Variants in ANAPC5 observed in about 807,000 individuals in gnomAD.
The protein encoded by ANAPC5 is anaphase-promoting complex subunit 5.
Under a neutral mutation model 91.3 loss-of-function variants are expected in ANAPC5, and 60 were observed. The observed-to-expected ratio is 0.66, with a 90% CI of 0.53 to 0.81. ANAPC5 has a LOEUF of 0.81. Among genes scored for constraint, ANAPC5 ranks in the 40% least tolerant of loss-of-function variants. The pLI is 0.00. For missense variants in ANAPC5, 690 were observed against 931.5 expected (o/e 0.74, Z 3.37); for synonymous variants, 340 against 364.1 (o/e 0.93, Z 0.75).
chr12:121,349,720 A>AT (rs11408254), intron 1 of ANAPC5, among the ~76,000 whole-genome samples: 106,760 of 138,270 alleles, frequency 0.77, 42,868 homozygotes, highest in Non-Finnish European at 0.88. Context: ...CACTGTTTCT[A>AT]TTTTTTTTTT....
rs534844886 is a variant in ANAPC5 at position 121,350,490 on chromosome 12, G to A, written c.207+1644C>T. On this transcript the variant is annotated intron_variant, in intron 1 of 16. Transcript: ENST00000261819. The stretch of plus-strand genomic sequence containing the variant: ...AGGTCTGGAGATCGAGACCATCCCG[G>A]CTAACACGGTGAAACCCCGTCTCTA... 3.3e-5 allele frequency among the ~76,000 whole-genome samples: 5 copies of A among 152,172 alleles called. No individual in the cohort carries two copies. In the East Asian group the frequency reaches 9.7e-4, roughly 29 times the overall value.
In ANAPC5 at chr12:121,318,433, A is replaced by T. The variant is rs763269606; in HGVS notation, c.1746-9T>A. On this transcript the variant is annotated splice_polypyrimidine_tract_variant and intron_variant, in intron 14 of 16. Coordinates refer to ENST00000261819, the MANE Select transcript of ANAPC5 (RefSeq NM_016237.5). ...CCACGGACAGTAGGACACTGACCGTAAAGAGGAAAACACAGGATGAGAAGA... is the reference window on the plus strand; with the variant it reads ...CCACGGACAGTAGGACACTGACCGTTAAGAGGAAAACACAGGATGAGAAGA... The T allele has an allele frequency of 3.1e-6, 5 of 1,610,884 alleles. No homozygotes were observed. The highest frequency in any genetic ancestry group is 4.2e-6 in the Non-Finnish European group (5 of 1,177,866).
intron 4 of ANAPC5, among the ~76,000 whole-genome samples, chr12:121,344,416 TA>T (rs1903581407): frequency 1.3e-5 from 2 of 151,988 alleles, no homozygotes; most frequent in East Asian, 3.9e-4. Flanking sequence ...CCATCTCTAC[TA>T]AAAATACAAA....
Position 121,337,367 on chromosome 12 carries a change from G to C in ANAPC5, c.683C>G (p.Thr228Ser), listed in dbSNP as rs1555273608. The C allele has an allele frequency of 1.2e-6, 2 of 1,613,612 alleles. No individual in the cohort carries two copies. The highest frequency in any genetic ancestry group is 1.7e-5 in the Admixed American group (1 of 59,998). Reference sequence around the variant, plus strand: ...CAAGGAAGCTGGAGTGAGGGCCTTAGTCTCATCATTCTTTAGCAAAGAAGC... The same window carrying C: ...CAAGGAAGCTGGAGTGAGGGCCTTACTCTCATCATTCTTTAGCAAAGAAGC... ...QQASLLKNDE[T>S]KALTPASLQK... is the part of the protein sequence containing the mutation. Residue 228 changes from threonine to serine, a missense_variant, in exon 6 of 17, where the codon ACT becomes AGT. Transcript: ENST00000261819.
At chr12:121,349,296 C>T (rs1338790225) in intron 1 of ANAPC5, among the ~76,000 whole-genome samples, 1 of 152,062 alleles carries the variant, frequency 6.6e-6, no homozygotes, top group Non-Finnish European at 1.5e-5. Context: ...TGTGGTGGCT[C>T]ATGCCTGTAA....
At chr12:121,320,656 G>A in intron 11 of ANAPC5, 197 bp from the exon 12 acceptor site, 1 of 386,610 alleles carries the variant, frequency 2.6e-6, no homozygotes. Flanking sequence ...CTGCTGGAGT[G>A]CAGTGGCGCG....
At chr12:121,353,030 T>C (rs1903969851), upstream of ANAPC5, among the ~76,000 whole-genome samples, 1 of 151,864 alleles carries the variant, frequency 6.6e-6, no homozygotes, top group Non-Finnish European at 1.5e-5. Context: ...GTTTAGGAGT[T>C]TAACTCTGTC....
Position 121,352,152 on chromosome 12 carries a change from C to A in ANAPC5, c.189G>T (p.Leu63=). ...CTCTCACCTGCAGCAGGGGCAGGAG[C>A]AGCTGGTTGAGCCTCCGCCGCTCCA... ...SLMERRRLNQ[L]LLPLLQGPDI... is the part of the protein sequence containing the mutation. The change falls in exon 1 of 17, where the codon CTG becomes CTT. Residue 63 remains leucine, a synonymous_variant. Coordinates refer to ENST00000261819, the MANE Select transcript of ANAPC5 (RefSeq NM_016237.5). 6.2e-7 allele frequency: 1 copy of A among 1,610,114 alleles called. No individual in the cohort carries two copies. Among genetic ancestry groups the A allele is most frequent in the South Asian group, 1.1e-5 (1 of 90,976 alleles).
chr12:121,322,655 T>C (rs1223103469), intron 11 of ANAPC5, among the ~76,000 whole-genome samples: 2 of 152,146 alleles, frequency 1.3e-5, no homozygotes, highest in African/African-American at 4.8e-5. Flanking sequence ...ATATTTTCCA[T>C]TTAAAAAATG....
intron 4 of ANAPC5, among the ~76,000 whole-genome samples, chr12:121,345,330 C>T (rs1555274550): frequency 1.3e-5 from 2 of 152,070 alleles, no homozygotes; most frequent in Admixed American, 6.6e-5. Flanking sequence ...AGTCAGGGAC[C>T]CAGCAGAAAA....
chr12:121,342,020 A>G lies in ANAPC5; in HGVS notation c.640T>C (p.Phe214Leu), dbSNP rs906657804. Residue 214 changes from phenylalanine to leucine, a missense_variant, in exon 5 of 17, where the codon TTT (phenylalanine) becomes CTT (leucine). Physicochemically the swap from Phe to Leu is conservative, Grantham distance 22. Coordinates refer to ENST00000261819, the MANE Select transcript of ANAPC5 (RefSeq NM_016237.5). The surrounding 1 kb of genome is among the most constrained non-coding windows in gnomAD (Gnocchi z 4.1). The part of the protein sequence containing the change: ...SGPLSQKQAE[F>L]FLSQQASLLK... ...TCACATACCTGTTGAGAAAGAAAAA[A>G]TTCTGCTTGTTTTTGGGACAGAGGC... The G allele has an allele frequency of 1.9e-6, 3 of 1,611,040 alleles. No individual in the cohort carries two copies. Among genetic ancestry groups the G allele is most frequent in the Middle Eastern group, 1.7e-4 (1 of 6,058 alleles).
At chr12:121,327,480 A>C (rs1555272403) in intron 10 of ANAPC5, 3 of 492,734 alleles carry the variant, frequency 6.1e-6, no homozygotes. Context: ...ACGCTCCCAG[A>C]TCCCCCCGCC....
Position 121,318,564 on chromosome 12 carries a change from T to C in ANAPC5, c.1682A>G (p.His561Arg), listed in dbSNP as rs558581024. 5.5e-5 allele frequency: 89 copies of C among 1,614,216 alleles called. 1 individual carries two copies. The South Asian group carries it at 9.3e-4, about 17-fold the overall frequency. The change falls in exon 14 of 17, where the codon CAT (histidine) becomes CGT (arginine). Residue 561 changes from histidine (H) to arginine (R), a missense_variant. Transcript: ENST00000261819. Reference protein sequence around the residue: ...LQAQNQMSEAHKLLQKLLVHC... With the variant: ...LQAQNQMSEARKLLQKLLVHC... ...AACCAACAATTTTTGTAAAAGCTTA[T>C]GTGCCTCTGACATTTGGTTCTGAGC...
intron 1 of ANAPC5, chr12:121,350,960 A>G: frequency 2.9e-6 from 1 of 350,150 alleles, no homozygotes; most frequent in Admixed American, 3.8e-5. Flanking sequence ...AATATTGAGC[A>G]TTTACTACAT....
At chr12:121,311,464 A>G (rs1902164412) in intron 15 of ANAPC5, among the ~76,000 whole-genome samples, 1 of 146,266 alleles carries the variant, frequency 6.8e-6, no homozygotes, top group East Asian at 1.9e-4. Flanking sequence ...TATAACAATT[A>G]TAAACAAGCC....
At chr12:121,320,497 T>G (rs753278361) in intron 11 of ANAPC5, 38 bp from the exon 12 acceptor site, 2 of 1,584,380 alleles carry the variant, frequency 1.3e-6, no homozygotes, top group Non-Finnish European at 1.7e-6. Flanking sequence ...GCATAACCTG[T>G]GTTGAATCCA....
At chr12:121,341,950 A>G in intron 5 of ANAPC5, 53 bp downstream of exon 5, 1 of 1,391,292 alleles carries the variant, frequency 7.2e-7, no homozygotes. Flanking sequence ...ACAGGACTAG[A>G]CACATCACAG....
In ANAPC5 at chr12:121,352,155, C is replaced by A. The variant is rs782293524; in HGVS notation, c.186G>T (p.Gln62His). 1 of 1,610,744 alleles carries A rather than the reference C, an allele frequency of 6.2e-7. No homozygotes were observed. Among genetic ancestry groups the A allele is most frequent in the East Asian group, 2.2e-5 (1 of 44,772 alleles). ...VSLMERRRLNQLLLPLLQGPD... is the reference protein window; with the variant it reads ...VSLMERRRLNHLLLPLLQGPD... ...TCACCTGCAGCAGGGGCAGGAGCAG[C>A]TGGTTGAGCCTCCGCCGCTCCATGA... is the stretch of plus-strand genomic sequence containing the variant. The change falls in exon 1 of 17, where the codon CAG becomes CAT. Residue 62 changes from glutamine (Q) to histidine (H), a missense_variant. Gln to His is a conservative substitution (Grantham distance 24, BLOSUM62 0). Coordinates refer to ENST00000261819, the MANE Select transcript of ANAPC5 (RefSeq NM_016237.5).
intron 2 of ANAPC5, 123 bp from the exon 3 acceptor site, chr12:121,347,128 G>C: frequency 1.8e-6 from 1 of 558,784 alleles, no homozygotes; most frequent in East Asian, 3.3e-5. Context: ...GTATAAAATG[G>C]TGGCTCATAA....
Sources: gnomAD v4.1 joint callset for allele counts (sites outside exome capture counted in the v4.1 genomes callset) on GRCh38, gnomAD v4.1.1 for gene constraint, Gnocchi (gnomAD v3.1) non-coding constraint, MANE v1.5 for transcripts, NCBI Gene and HGNC (gene_info 2026-07-23, HGNC 2026-07-21) for gene names.